The following GABRG3 variants were observed in gnomAD, a reference collection of about 807,000 sequenced individuals.
GABRG3 encodes gamma-aminobutyric acid type A receptor subunit gamma3.
GABRG3 carries 25 observed loss-of-function variants against 48.8 expected under a neutral mutation model. That is an observed-to-expected ratio of 0.51 (90% confidence interval 0.37 to 0.72). The LOEUF (loss-of-function observed/expected upper bound fraction) is 0.72, where lower values mean the gene tolerates loss of function less well. Among genes scored for constraint, GABRG3 ranks in the 30% least tolerant of loss-of-function variants. The pLI, the probability that GABRG3 is intolerant of heterozygous loss-of-function variation, is 0.00. For missense variants in GABRG3, 394 were observed against 577.9 expected (o/e 0.68, Z 3.26); for synonymous variants, 227 against 217.6 (o/e 1.04, Z -0.38).
intron 5 of GABRG3, among the ~76,000 whole-genome samples, chr15:27,332,939 T>C (rs1011287857): frequency 1.3e-5 from 2 of 152,214 alleles, no homozygotes; most frequent in African/African-American, 4.8e-5. Context: ...CTATAGCACT[T>C]TCTGTAGTCA....
chr15:27,532,628 C>A lies in GABRG3; in HGVS notation c.1151C>A (p.Pro384Gln). ...SNYSLLDMRPPPTAMITLNNS... is the reference protein window; with the variant it reads ...SNYSLLDMRPQPTAMITLNNS... The stretch of plus-strand genomic sequence containing the variant: ...TATTCCCTCCTGGACATGAGGCCAC[C>A]ACCAACTGCGATGATCACTTTAAAC... The change falls in exon 10 of 10, where the codon CCA (proline) becomes CAA (glutamine). Residue 384 changes from proline to glutamine, a missense_variant. Around this residue, in one of 3 missense-constraint regions of GABRG3, gnomAD observed 126 missense variants for 155.5 expected, o/e 0.81. Transcript: ENST00000615808. The A allele has an allele frequency of 6.2e-7, 1 of 1,613,928 alleles. No individual in the cohort carries two copies. The highest frequency in any genetic ancestry group is 8.5e-7 in the Non-Finnish European group (1 of 1,179,876).
chr15:27,300,506 A>G (rs995461365), intron 3 of GABRG3, among the ~76,000 whole-genome samples: 3 of 151,478 alleles, frequency 2.0e-5, no homozygotes, highest in Non-Finnish European at 4.4e-5. Flanking sequence ...TCTACTAAAA[A>G]TACAAAAATT....
intron 2 of GABRG3, among the ~76,000 whole-genome samples, chr15:26,981,800 T>C (rs756504855): frequency 3.3e-5 from 5 of 152,186 alleles, no homozygotes; most frequent in South Asian, 2.1e-4. Context: ...TTCCTAGCAC[T>C]CACACTGCCC....
intron 3 of GABRG3, 67 bp from the exon 4 acceptor site, chr15:27,326,740 CAA>C (rs1893627979): frequency 2.3e-6 from 3 of 1,298,520 alleles, no homozygotes; most frequent in Non-Finnish European, 3.3e-6. Flanking sequence ...CAACGTTTGA[CAA>C]AGAGAACAAA....
chr15:27,237,698 T>A (rs559440180), intron 3 of GABRG3, among the ~76,000 whole-genome samples: 1 of 152,368 alleles, frequency 6.6e-6, no homozygotes, highest in African/African-American at 2.4e-5. Context: ...CAAATCAGCT[T>A]AATAAGTTAC....
intron 3 of GABRG3, among the ~76,000 whole-genome samples, chr15:27,317,561 G>A (rs1433810493): frequency 6.6e-6 from 1 of 152,166 alleles, no homozygotes; most frequent in Non-Finnish European, 1.5e-5. Flanking sequence ...TTGGAAAACT[G>A]GCTGGTGTCA....
rs928575499 is a variant in GABRG3 at position 27,211,175 on chromosome 15, C to T, written c.271-115634C>T. On this transcript the variant is annotated intron_variant, in intron 3 of 9. Transcript: ENST00000615808. ...TCACACGAGTGTGTCCTGGATCCCA[C>T]CCAAGGCCCTCCAGGAGTGGATCTG... Among the ~76,000 whole-genome samples the T allele has an allele frequency of 1.1e-4, 17 of 152,312 alleles. 1 individual carries two copies. The highest frequency in any genetic ancestry group is 3.4e-3 in the Middle Eastern group (1 of 294).
intron 3 of GABRG3, among the ~76,000 whole-genome samples, chr15:27,277,032 A>T (rs1455908154): frequency 2.0e-5 from 3 of 152,228 alleles, no homozygotes; most frequent in African/African-American, 4.8e-5. Context: ...GGTAACTAAT[A>T]AGATGCTCAA....
chr15:27,159,813 T>C (rs947364535), intron 3 of GABRG3, among the ~76,000 whole-genome samples: 3 of 152,160 alleles, frequency 2.0e-5, no homozygotes, highest in Non-Finnish European at 2.9e-5. Context: ...GCTTACCTTA[T>C]GGGGAGGAGG....
rs1486299240 is a variant in GABRG3, at chr15:27,539,775, C to T, written c.*6894C>T. 3 of 152,104 alleles carry T rather than the reference C, an allele frequency of 2.0e-5. No individual in the cohort carries two copies. Among genetic ancestry groups the T allele is most frequent in the Non-Finnish European group, 2.9e-5 (2 of 68,036 alleles). The allele number at this position is 152,104 out of a possible 1,614,324, so 9.4% of individuals were successfully genotyped here. A position where few individuals can be genotyped will look rare whatever the true frequency, so the allele number is the denominator to read the frequency against. On this transcript the variant is annotated 3_prime_UTR_variant, in exon 10 of 10. Coordinates refer to ENST00000615808, the MANE Select transcript of GABRG3 (RefSeq NM_033223.5). ...GCCACATCCGCTAGTCCATGCACCT[C>T]CAGGGTGGCCTTGGGAGCTACAGAG...
intron 2 of GABRG3, among the ~76,000 whole-genome samples, chr15:26,980,980 T>C (rs976651919): frequency 6.6e-6 from 1 of 152,172 alleles, no homozygotes; most frequent in Non-Finnish European, 1.5e-5. Context: ...GATACTAGGC[T>C]AATTACCTGG....
At chr15:27,067,175 A>G (rs1175462263) in intron 3 of GABRG3, among the ~76,000 whole-genome samples, 9 of 152,144 alleles carry the variant, frequency 5.9e-5, no homozygotes, top group African/African-American at 2.2e-4. Flanking sequence ...CAGTGGGAGC[A>G]TCTGGGGCTG....
intron 9 of GABRG3, among the ~76,000 whole-genome samples, chr15:27,530,103 G>T (rs1248671348): frequency 6.6e-6 from 1 of 152,006 alleles, no homozygotes; most frequent in African/African-American, 2.4e-5. Flanking sequence ...CCAATAGAAA[G>T]AAGCAGAAAT....
chr15:27,183,689 G>C (rs1176622274), intron 3 of GABRG3, among the ~76,000 whole-genome samples: 1 of 152,220 alleles, frequency 6.6e-6, no homozygotes, highest in Non-Finnish European at 1.5e-5. Context: ...AGAGCAGAGA[G>C]TTGTATTATG....
chr15:27,332,962 A>G (rs28647823), intron 5 of GABRG3, among the ~76,000 whole-genome samples: 254 of 152,322 alleles, frequency 1.7e-3, no homozygotes, highest in African/African-American at 5.7e-3. Flanking sequence ...GTGGTTAAGG[A>G]TCACATTTTA....
chr15:27,386,677 G>T (rs1035232606), intron 5 of GABRG3, among the ~76,000 whole-genome samples: 1 of 152,178 alleles, frequency 6.6e-6, no homozygotes, highest in Non-Finnish European at 1.5e-5. Flanking sequence ...ATGTTATGGA[G>T]CTTGAATTGG....
At chr15:27,441,741 T>A (rs932186050) in intron 5 of GABRG3, among the ~76,000 whole-genome samples, 1 of 152,270 alleles carries the variant, frequency 6.6e-6, no homozygotes, top group Middle Eastern at 3.4e-3. Flanking sequence ...CTTTCTTCTC[T>A]GCGCCTTGAC....
chr15:27,217,818 C>A (rs1566968845), intron 3 of GABRG3, among the ~76,000 whole-genome samples: 2 of 152,128 alleles, frequency 1.3e-5, no homozygotes, highest in Admixed American at 6.5e-5. Flanking sequence ...GTGGGCACAC[C>A]CTGAGGTTAG....
intron 3 of GABRG3, among the ~76,000 whole-genome samples, chr15:27,263,875 G>T (rs913782300): frequency 6.6e-6 from 1 of 150,842 alleles, no homozygotes; most frequent in Non-Finnish European, 1.5e-5. Flanking sequence ...GTAGTGAGCC[G>T]AGATCGCGCC....
Sources: gnomAD v4.1 joint callset for allele counts (sites outside exome capture counted in the v4.1 genomes callset) on GRCh38, gnomAD v4.1.1 for gene constraint, gnomAD v4.1.1 regional missense constraint, MANE v1.5 for transcripts, NCBI Gene and HGNC (gene_info 2026-07-23, HGNC 2026-07-21) for gene names.